The following NYAP2 variants were observed in gnomAD, a reference collection of about 807,000 sequenced individuals.
NYAP2 encodes neuronal tyrosine-phosphorylated phosphoinositide-3-kinase adaptor 2.
A neutral mutation model predicts 50.4 loss-of-function variants in NYAP2; 23 were observed. That is an observed-to-expected ratio of 0.46 (90% CI 0.33 to 0.65). The LOEUF is 0.65. Among genes scored for constraint, NYAP2 ranks in the 30% least tolerant of loss-of-function variants. The pLI, the probability that NYAP2 is intolerant of heterozygous loss-of-function variation, is 0.02. For synonymous variants in NYAP2, 394 were observed against 365.2 expected (o/e 1.08, Z -0.90); for missense variants, 885 against 861.0 (o/e 1.03, Z -0.35).
intron 4 of NYAP2, among the ~76,000 whole-genome samples, chr2:225,568,451 T>A (rs2106220152): frequency 6.6e-6 from 1 of 152,280 alleles, no homozygotes; most frequent in Admixed American, 6.5e-5. Flanking sequence ...TCTTCAAGAC[T>A]ATTTGAGGAA....
intron 3 of NYAP2, among the ~76,000 whole-genome samples, chr2:225,501,739 G>T (rs945337672): frequency 6.6e-6 from 1 of 152,074 alleles, no homozygotes; most frequent in African/African-American, 2.4e-5. Context: ...AATTCAAAAA[G>T]AAAAGTTTCT....
chr2:225,461,149 A>G (rs1689823977), intron 3 of NYAP2, among the ~76,000 whole-genome samples: 1 of 152,174 alleles, frequency 6.6e-6, no homozygotes, highest in African/African-American at 2.4e-5. Context: ...CTCCCTCTAA[A>G]TAAATGCCAG....
intron 4 of NYAP2, among the ~76,000 whole-genome samples, chr2:225,573,250 C>CTTTTTTTTTTTTTTTTTTTTTTTTATTTT (rs59186607): frequency 7.9e-6 from 1 of 126,732 alleles, no homozygotes. Flanking sequence ...ATTATTATTT[C>CTTTTTTTTTTTTTTTTTTTTTTTTATTTT]TTTTTTTTTT....
intron 3 of NYAP2, among the ~76,000 whole-genome samples, chr2:225,416,275 G>A (rs574144048): frequency 1.3e-5 from 2 of 152,154 alleles, no homozygotes; most frequent in African/African-American, 4.8e-5. Context: ...CAAATGCATG[G>A]GCAAGTTTTT....
chr2:225,505,486 CT>C (rs1690688047), intron 3 of NYAP2, among the ~76,000 whole-genome samples: 1 of 152,054 alleles, frequency 6.6e-6, no homozygotes. Flanking sequence ...AGTATACTGC[CT>C]GATTTAAAAA....
chr2:225,436,629 A>G (rs563152482), intron 3 of NYAP2, among the ~76,000 whole-genome samples: 5 of 152,016 alleles, frequency 3.3e-5, no homozygotes, highest in Non-Finnish European at 5.9e-5. Context: ...TAAGACTTCA[A>G]CATATTAATT....
chr2:225,672,933 G>C, the NYAP2 span, among the ~76,000 whole-genome samples: 1 of 151,672 alleles, frequency 6.6e-6, no homozygotes, highest in Non-Finnish European at 1.5e-5. Flanking sequence ...TGACATCAAA[G>C]GCAATCACAG....
chr2:225,621,414 C>G (rs576386971), intron 5 of NYAP2, among the ~76,000 whole-genome samples: 50 of 152,136 alleles, frequency 3.3e-4, no homozygotes, highest in African/African-American at 1.1e-3. Context: ...ACATGACATA[C>G]CTAATGTAGT....
intron 3 of NYAP2, among the ~76,000 whole-genome samples, chr2:225,470,384 A>G (rs1330309813): frequency 6.6e-6 from 1 of 152,168 alleles, no homozygotes; most frequent in African/African-American, 2.4e-5. Context: ...TGAGGTTTCA[A>G]TTTGACCTAT....
At chr2:225,439,741 T>A (rs1689439953) in intron 3 of NYAP2, among the ~76,000 whole-genome samples, 1 of 152,196 alleles carries the variant, frequency 6.6e-6, no homozygotes, top group Non-Finnish European at 1.5e-5. Context: ...GGGAACAGTG[T>A]TATAGTTCAT....
intron 5 of NYAP2, among the ~76,000 whole-genome samples, chr2:225,593,146 A>G (rs1692539022): frequency 6.6e-6 from 1 of 152,220 alleles, no homozygotes; most frequent in South Asian, 2.1e-4. Flanking sequence ...CCTACTGGCT[A>G]CATCATGTTA....
the NYAP2 span, among the ~76,000 whole-genome samples, chr2:225,664,196 A>C: frequency 6.6e-6 from 1 of 152,214 alleles, no homozygotes; most frequent in Non-Finnish European, 1.5e-5. Context: ...GGAAATTGCA[A>C]AGCGAGGGAT....
intron 5 of NYAP2, among the ~76,000 whole-genome samples, chr2:225,612,060 T>C (rs1405618436): frequency 6.7e-6 from 1 of 149,468 alleles, no homozygotes; most frequent in Non-Finnish European, 1.5e-5. Context: ...TACCAATAAA[T>C]ATATCTTAGT....
At chr2:225,699,267 A>T in the NYAP2 span, 1 of 151,956 alleles carries the variant, frequency 6.6e-6, no homozygotes, top group African/African-American at 2.4e-5. Context: ...CTCCAGAGAA[A>T]GTTACTAGGA....
At chr2:225,519,083 G>A (rs115003635) in intron 4 of NYAP2, among the ~76,000 whole-genome samples, 14 of 151,658 alleles carry the variant, frequency 9.2e-5, no homozygotes, top group Non-Finnish European at 1.3e-4. Context: ...CAAATAAACA[G>A]AAAAATATTC....
intron 3 of NYAP2, among the ~76,000 whole-genome samples, chr2:225,470,405 T>G (rs184672017): frequency 6.6e-6 from 1 of 152,200 alleles, no homozygotes; most frequent in South Asian, 2.1e-4. Context: ...TCATGAGCAC[T>G]ATATGAAACC....
At chr2:225,462,986 C>A (rs537544387) in intron 3 of NYAP2, among the ~76,000 whole-genome samples, 1 of 152,176 alleles carries the variant, frequency 6.6e-6, no homozygotes, top group Non-Finnish European at 1.5e-5. Context: ...CTTATACAGA[C>A]CAGACATGTA....
Position 225,513,691 on chromosome 2 carries a change from A to C in NYAP2, c.523+19A>C. ...ACTGAAGGTAAAACACGCCATGTCC[A>C]TGTCACCTAGAAATCTCTTTCAGAT... On this transcript the variant is annotated intron_variant, in intron 4 of 6. Coordinates refer to ENST00000636099, the Ensembl canonical transcript of NYAP2. 6.7e-7 allele frequency: 1 copy of C among 1,486,830 alleles called. No individual in the cohort carries two copies. The highest frequency in any genetic ancestry group is 8.9e-7 in the Non-Finnish European group (1 of 1,118,298). The allele number at this position is 1,486,830 out of a possible 1,614,324, so 92.1% of individuals were successfully genotyped here. A position where few individuals can be genotyped will look rare whatever the true frequency, so the allele number is the denominator to read the frequency against.
chr2:225,470,936 G>A (rs904444272), intron 3 of NYAP2, among the ~76,000 whole-genome samples: 2 of 151,976 alleles, frequency 1.3e-5, no homozygotes, highest in Non-Finnish European at 2.9e-5. Context: ...CTTCCCACCT[G>A]GGAGACTGAG....
Sources: allele counts gnomAD v4.1 joint callset (sites outside exome capture counted in the v4.1 genomes callset), GRCh38; gene constraint gnomAD v4.1.1; transcripts MANE v1.5; gene names NCBI Gene and HGNC (gene_info 2026-07-23, HGNC 2026-07-21).